The following PCNX1 variants were observed in gnomAD, a reference collection of about 807,000 sequenced individuals.
PCNX1 encodes the protein pecanex-like protein 1.
A neutral mutation model predicts 242.2 loss-of-function variants in PCNX1; 78 were observed. The ratio of observed to expected loss-of-function variants is 0.32; its 90% confidence interval spans 0.27 to 0.39. The LOEUF (loss-of-function observed/expected upper bound fraction) is 0.39. PCNX1 is among the 10% of genes least tolerant of loss of function. The pLI is 1.00. For missense variants in PCNX1, 2,581 were observed against 2,856.5 expected (o/e 0.90, Z 2.20); for synonymous variants, 1,024 against 1,032.9 (o/e 0.99, Z 0.17).
intron 26 of PCNX1, 74 bp from the exon 27 acceptor site, chr14:71,073,471 C>G: frequency 7.3e-7 from 1 of 1,364,606 alleles, no homozygotes; most frequent in Non-Finnish European, 1.0e-6. Flanking sequence ...TTTTCTAAAT[C>G]TTATGTGTCC....
At chr14:71,105,832 C>T (rs1206151265) in intron 33 of PCNX1, among the ~76,000 whole-genome samples, 2 of 151,154 alleles carry the variant, frequency 1.3e-5, no homozygotes, top group Non-Finnish European at 2.9e-5. Context: ...TGAGCCACCA[C>T]ACCCAGCCCA....
chr14:70,954,663 A>G (rs138279463), intron 2 of PCNX1, among the ~76,000 whole-genome samples: 277 of 152,268 alleles, frequency 1.8e-3, no homozygotes, highest in African/African-American at 6.4e-3. Context: ...TGTGTCTAGC[A>G]ATCTTATTAA....
chr14:71,041,528 G>A (rs1231144842), intron 19 of PCNX1, among the ~76,000 whole-genome samples: 1 of 151,806 alleles, frequency 6.6e-6, no homozygotes, highest in Non-Finnish European at 1.5e-5. Context: ...CTGAATTTTT[G>A]CGCTATTAAT....
chr14:70,953,237 C>T (rs2057857691), intron 2 of PCNX1, among the ~76,000 whole-genome samples: 2 of 152,158 alleles, frequency 1.3e-5, no homozygotes, highest in Non-Finnish European at 2.9e-5. Context: ...TTTGATCACA[C>T]CACTGCACTC....
intron 26 of PCNX1, among the ~76,000 whole-genome samples, chr14:71,060,048 C>G (rs2061285498): frequency 6.6e-6 from 1 of 152,190 alleles, no homozygotes; most frequent in Non-Finnish European, 1.5e-5. Flanking sequence ...CCACCTATCC[C>G]ACGTGATTAT....
intron 10 of PCNX1, chr14:71,012,165 A>G (rs1280796350): frequency 6.6e-6 from 1 of 152,650 alleles, no homozygotes; most frequent in African/African-American, 2.4e-5. Context: ...ACAAACAAAC[A>G]GGGGTGAGGG....
Position 71,095,693 on chromosome 14 carries a change from T to A in PCNX1, c.5590-6297T>A, listed in dbSNP as rs185473701. Among the ~76,000 whole-genome samples, 7 of 152,286 alleles carry A rather than the reference T, an allele frequency of 4.6e-5. No homozygotes were observed. In the East Asian group the frequency reaches 1.3e-3, roughly 29 times the overall value. ...AATTGTAACATGCTATTTTTTTTCA[T>A]TTAATATGACATGGACATCTTTCCA... On this transcript the variant is annotated intron_variant, in intron 30 of 35. Transcript: ENST00000304743.
At chr14:70,943,855 G>A (rs1330089397) in intron 1 of PCNX1, among the ~76,000 whole-genome samples, 1 of 152,210 alleles carries the variant, frequency 6.6e-6, no homozygotes, top group Non-Finnish European at 1.5e-5. Flanking sequence ...GGTTAAAAGG[G>A]GCCAATGTGC....
Position 71,047,824 on chromosome 14 carries a change from T to G in PCNX1, c.4178T>G (p.Ile1393Ser), listed in dbSNP as rs1292097101. The G allele has an allele frequency of 6.2e-7, 1 of 1,610,994 alleles. No individual in the cohort carries two copies. Among genetic ancestry groups the G allele is most frequent in the Non-Finnish European group, 8.5e-7 (1 of 1,178,014 alleles). ...KLNTELGALM[I>S]TVAGLKLLRS... ...TGCCACAGATTAGGTGCTTTAATGA[T>G]CACTGTTGCTGGTTTGAAGTTGCTA... Residue 1393 changes from isoleucine (I) to serine (S), a missense_variant, in exon 22 of 36, where the codon ATC (isoleucine) becomes AGC (serine). Physicochemically the swap from Ile to Ser is moderately radical, Grantham distance 142. Coordinates refer to ENST00000304743, the MANE Select transcript of PCNX1 (RefSeq NM_014982.3).
chr14:70,907,941 G>C lies in PCNX1; in HGVS notation c.91G>C (p.Val31Leu). 6.3e-7 allele frequency: 1 copy of C among 1,597,046 alleles called. No individual in the cohort carries two copies. The highest frequency in any genetic ancestry group is 8.5e-7 in the Non-Finnish European group (1 of 1,173,172). ...CTACGACCCGCACCAGGCCACCTTC[G>C]TGAACGCGCTGCACCTCTACCTGTG... is the stretch of plus-strand genomic sequence containing the variant. ...WYYDPHQATF[V>L]NALHLYLWLF... Residue 31 changes from valine to leucine, a missense_variant, in exon 1 of 36, where the codon GTG (valine) becomes CTG (leucine). Transcript: ENST00000304743.
intron 3 of PCNX1, among the ~76,000 whole-genome samples, chr14:70,967,683 A>C (rs2058421207): frequency 6.6e-6 from 1 of 152,178 alleles, no homozygotes; most frequent in African/African-American, 2.4e-5. Context: ...ATAAAGAAGT[A>C]CTTACTTTTG....
intron 9 of PCNX1, among the ~76,000 whole-genome samples, chr14:71,010,715 C>G (rs558969938): frequency 6.6e-6 from 1 of 152,170 alleles, no homozygotes; most frequent in African/African-American, 2.4e-5. Context: ...TCAAGAGTTA[C>G]TGATTCTTAT....
rs2062803300 is a variant in PCNX1 at position 71,113,890 on chromosome 14, ATT to A, written c.*3956_*3957del. 6.6e-6 allele frequency: 1 copy of A among 152,034 alleles called. No individual in the cohort carries two copies. The highest frequency in any genetic ancestry group is 2.4e-5 in the African/African-American group (1 of 41,404). The allele number at this position is 152,034 out of a possible 1,614,324, so 9.4% of individuals were successfully genotyped here. A position where few individuals can be genotyped will look rare whatever the true frequency, so the allele number is the denominator to read the frequency against. On this transcript the variant is annotated 3_prime_UTR_variant, in exon 36 of 36. Transcript: ENST00000304743. ...GTGTATGTTTGTTTTTTAAGTCGTC[ATT>A]ATTCATTCGTATTCTTTTTCTGTGT...
intron 28 of PCNX1, chr14:71,078,830 A>G (rs2141500763): frequency 6.6e-6 from 1 of 152,156 alleles, no homozygotes; most frequent in Middle Eastern, 3.4e-3. Context: ...GATGTGCCTT[A>G]GTGTAGTTTT....
At chr14:70,924,654 A>C (rs987126474) in intron 1 of PCNX1, among the ~76,000 whole-genome samples, 3 of 152,040 alleles carry the variant, frequency 2.0e-5, no homozygotes, top group African/African-American at 7.2e-5. Flanking sequence ...TGGCGTGATC[A>C]TGGTTCACCA....
chr14:71,010,140 A>G (rs975356886), intron 9 of PCNX1, among the ~76,000 whole-genome samples: 28 of 152,070 alleles, frequency 1.8e-4, no homozygotes, highest in Non-Finnish European at 4.0e-4. Flanking sequence ...TTTGCTATGG[A>G]AAAAAGAAAG....
chr14:70,966,512 C>T (rs950819509), intron 3 of PCNX1, among the ~76,000 whole-genome samples: 1 of 152,160 alleles, frequency 6.6e-6, no homozygotes, highest in South Asian at 2.1e-4. Context: ...CTCAGACACA[C>T]AAAGACGTTT....
intron 28 of PCNX1, among the ~76,000 whole-genome samples, chr14:71,078,189 AT>A (rs1227495329): frequency 6.6e-6 from 1 of 152,218 alleles, no homozygotes; most frequent in African/African-American, 2.4e-5. Context: ...TTTTCCAGCT[AT>A]ATAGTCTTCC....
intron 27 of PCNX1, 84 bp from the exon 28 acceptor site, chr14:71,076,105 T>C: frequency 1.2e-6 from 1 of 811,266 alleles, no homozygotes; most frequent in Non-Finnish European, 2.0e-6. Context: ...TATAAATAAT[T>C]GGAATTTATT....
Sources: allele counts gnomAD v4.1 joint callset (sites outside exome capture counted in the v4.1 genomes callset), GRCh38; gene constraint gnomAD v4.1.1; transcripts MANE v1.5; gene names NCBI Gene and HGNC (gene_info 2026-07-23, HGNC 2026-07-21).